Variants in SHMT1 observed in about 807,000 individuals in gnomAD.
SHMT1 encodes the protein serine hydroxymethyltransferase 1.
A neutral mutation model predicts 49.0 loss-of-function variants in SHMT1; 45 were observed. The observed-to-expected ratio is 0.92, with a 90% CI of 0.72 to 1.18. SHMT1 has a LOEUF of 1.18. Among genes scored for constraint, SHMT1 ranks in the 50% most tolerant of loss-of-function variants. The pLI is 0.00. For missense variants in SHMT1, 541 were observed against 612.4 expected (o/e 0.88, Z 1.23); for synonymous variants, 232 against 246.6 (o/e 0.94, Z 0.55).
At chr17:18,356,190 A>G (rs1009640684) in intron 1 of SHMT1, among the ~76,000 whole-genome samples, 190 bp from the exon 2 acceptor site, 3 of 150,934 alleles carry the variant, frequency 2.0e-5, no homozygotes, top group Non-Finnish European at 2.9e-5. Context: ...CTACAGGCGC[A>G]TGCCACCATG....
rs60869673 is a variant in SHMT1 at position 18,330,556 on chromosome 17, T to G, written c.1170A>C (p.Pro390=). The change falls in exon 10 of 12, where the codon CCA becomes CCC. Residue 390 remains proline (P), a splice_region_variant and synonymous_variant. Transcript: ENST00000316694. ...GGAGAAGGCAAGGATGATTCTCACC[T>G]GGACAGGTGTTCTTGTTGCAGGCAA... ...CSIACNKNTC[P]GDRSALRPSG... is the part of the protein sequence containing the mutation. The G allele has an allele frequency of 1.0e-5, 16 of 1,601,894 alleles. No individual in the cohort carries two copies. The highest frequency in any genetic ancestry group is 1.7e-4 in the Middle Eastern group (1 of 6,048).
chr17:18,359,332 A>G (rs1391427541), intron 1 of SHMT1, among the ~76,000 whole-genome samples: 1 of 151,912 alleles, frequency 6.6e-6, no homozygotes, highest in Non-Finnish European at 1.5e-5. Flanking sequence ...TGAGCCTAGG[A>G]GTTCAACCAC....
At position 18,330,800 on chromosome 17, in the gene SHMT1, T is replaced by C. The variant is rs529407292; in HGVS notation, c.1055-129A>G. 8 of 713,496 alleles carry C rather than the reference T, an allele frequency of 1.1e-5. No individual in the cohort carries two copies. In the African/African-American group the frequency reaches 1.2e-4, roughly 11 times the overall value. The allele number at this position is 713,496 out of a possible 1,614,324, so 44.2% of individuals were successfully genotyped here. ...CAGGAAGGTGAGCACCCCCACCACA[T>C]GGCCTGGGATTCTAATCCCCACGAG... On this transcript the variant is annotated intron_variant, in intron 9 of 11. Transcript: ENST00000316694.
intron 5 of SHMT1, among the ~76,000 whole-genome samples, chr17:18,346,914 C>T (rs908262042): frequency 2.6e-5 from 4 of 152,202 alleles, no homozygotes; most frequent in Non-Finnish European, 5.9e-5. Context: ...CACTTTTGCA[C>T]TATCCTAAAG....
chr17:18,350,980 G>C (rs578215494), intron 3 of SHMT1, among the ~76,000 whole-genome samples: 1 of 151,878 alleles, frequency 6.6e-6, no homozygotes, highest in African/African-American at 2.4e-5. Flanking sequence ...TGATCCACCT[G>C]CCTCAGCCTC....
chr17:18,340,267 A>G lies in SHMT1; in HGVS notation c.602-12T>C. The G allele has an allele frequency of 1.2e-6, 2 of 1,613,764 alleles. No homozygotes were observed. On this transcript the variant is annotated splice_polypyrimidine_tract_variant and intron_variant, in intron 6 of 11. Coordinates refer to ENST00000316694, the MANE Select transcript of SHMT1 (RefSeq NM_004169.5). The surrounding 1 kb of genome is among the most constrained non-coding windows in gnomAD (Gnocchi z 4.5). ...GTAGCAGCTGGTTCCTGAGACAGGA[A>G]AGGTGACACAGCTGCATCAGAGATG...
chr17:18,348,656 T>TG (rs1985362412), intron 3 of SHMT1: 1 of 673,424 alleles, frequency 1.5e-6, no homozygotes, highest in African/African-American at 1.8e-5. Context: ...CTGTGCAACT[T>TG]GGAGCAAATA....
At chr17:18,349,952 G>A (rs928930812) in intron 3 of SHMT1, among the ~76,000 whole-genome samples, 15 of 152,024 alleles carry the variant, frequency 9.9e-5, no homozygotes, top group South Asian at 2.1e-4. Flanking sequence ...CCTGGGAGGC[G>A]GAGGTTGCGG....
chr17:18,347,697 T>G (rs950164898), intron 4 of SHMT1, 41 bp from the exon 5 acceptor site: 2 of 1,612,844 alleles, frequency 1.2e-6, no homozygotes, highest in Non-Finnish European at 1.7e-6. Flanking sequence ...TATTTCTAAC[T>G]GAGGTACCAA....
At chr17:18,363,066 T>G (rs965427149) in intron 1 of SHMT1, 2 of 152,192 alleles carry the variant, frequency 1.3e-5, no homozygotes, top group African/African-American at 4.8e-5. Flanking sequence ...TCGAAAATGC[T>G]CAACGAGAAA....
At chr17:18,348,473 T>G in intron 3 of SHMT1, 33 bp from the exon 4 acceptor site, 11 of 1,496,104 alleles carry the variant, frequency 7.4e-6, no homozygotes, top group Non-Finnish European at 9.3e-6. Flanking sequence ...TTAGATCCAC[T>G]CAGACCCAGA....
At chr17:18,334,637 T>A (rs952226994) in intron 8 of SHMT1, among the ~76,000 whole-genome samples, 1 of 152,166 alleles carries the variant, frequency 6.6e-6, no homozygotes, top group Non-Finnish European at 1.5e-5. Flanking sequence ...TTCAGACTTA[T>A]CTGGTATCTC....
At chr17:18,360,559 C>CA (rs55861230) in intron 1 of SHMT1, 16,947 of 109,382 alleles carry the variant, frequency 0.15, 1,171 homozygotes, top group African/African-American at 0.21. Flanking sequence ...GACCCTGTCT[C>CA]AAAAAAAAAA....
rs1984378541 is a variant in SHMT1 at position 18,340,500 on chromosome 17, T to C, written c.601+232A>G. The C allele has an allele frequency of 1.5e-6, 1 of 670,402 alleles. No individual in the cohort carries two copies. Among genetic ancestry groups the C allele is most frequent in the Non-Finnish European group, 2.7e-6 (1 of 375,536 alleles). 41.5% of individuals were successfully genotyped at this position (670,402 alleles called of 1,614,324 possible). ...TTGCCAGCGCAGTCAGGGCCTGACA[T>C]TTCTAGATGCTTCTCTGAGAACAGT... On this transcript the variant is annotated intron_variant, in intron 6 of 11. Transcript: ENST00000316694. This position sits in a 1 kb window ranked among gnomAD's most constrained non-coding sequence, Gnocchi z 4.5.
In SHMT1 at chr17:18,340,221, G is replaced by A. The variant is rs747803402; in HGVS notation, c.636C>T (p.Ala212=). Residue 212 remains alanine (A), a synonymous_variant, in exon 7 of 12, where the codon GCC becomes GCT. Transcript: ENST00000316694. This position sits in a 1 kb window ranked among gnomAD's most constrained non-coding sequence, Gnocchi z 4.5. ...TCTCATCTGCAATCTTCCGTAGCCG[G>A]GCATATTCCAGGTTTCGGGAGTAGC... ...TSCYSRNLEY[A]RLRKIADENG... is the part of the protein sequence containing the mutation. 6.2e-7 allele frequency: 1 copy of A among 1,614,146 alleles called. No homozygotes were observed. Among genetic ancestry groups the A allele is most frequent in the Admixed American group, 1.7e-5 (1 of 60,028 alleles).
intron 1 of SHMT1, among the ~76,000 whole-genome samples, chr17:18,362,446 G>A (rs924487751): frequency 1.3e-5 from 2 of 151,970 alleles, no homozygotes; most frequent in Admixed American, 1.3e-4. Flanking sequence ...TCAGCCTTCC[G>A]AGTAGCTGGG....
chr17:18,359,920 T>C (rs1287402878), intron 1 of SHMT1, among the ~76,000 whole-genome samples: 1 of 148,256 alleles, frequency 6.7e-6, no homozygotes, highest in Non-Finnish European at 1.5e-5. Context: ...CACCGCAGCC[T>C]GGCAACAAAG....
At chr17:18,354,031 C>A (rs955706959) in intron 2 of SHMT1, among the ~76,000 whole-genome samples, 2 of 152,142 alleles carry the variant, frequency 1.3e-5, no homozygotes, top group African/African-American at 4.8e-5. Flanking sequence ...GACTGTAATC[C>A]CAGCACTTTG....
chr17:18,340,785 T>C lies in SHMT1; in HGVS notation c.548A>G (p.Tyr183Cys), dbSNP rs1283448447. The C allele has an allele frequency of 8.1e-6, 13 of 1,613,600 alleles. No homozygotes were observed. Among genetic ancestry groups the C allele is most frequent in the Non-Finnish European group, 1.0e-5 (12 of 1,179,836 alleles). The change falls in exon 6 of 12, where the codon TAT becomes TGT. Residue 183 changes from tyrosine to cysteine, a missense_variant. Physicochemically the swap from Tyr to Cys is radical, Grantham distance 194. Transcript: ENST00000316694. This position sits in a 1 kb window ranked among gnomAD's most constrained non-coding sequence, Gnocchi z 4.5. ...GCGTGCGTTCTCCTCCAGCTGGTCA[T>C]AGTTGATGTAGCCAGTATCTGGGTT... ...KVNPDTGYIN[Y>C]DQLEENARLF... is the part of the protein sequence containing the mutation.
Sources: allele counts gnomAD v4.1 joint callset (sites outside exome capture counted in the v4.1 genomes callset), GRCh38; gene constraint gnomAD v4.1.1; non-coding constraint Gnocchi (gnomAD v3.1); transcripts MANE v1.5; gene names NCBI Gene and HGNC (gene_info 2026-07-23, HGNC 2026-07-21).